The following IFT80 variants were observed in gnomAD, a reference collection of about 807,000 sequenced individuals.
IFT80 encodes intraflagellar transport 80.
Under a neutral mutation model 107.9 loss-of-function variants are expected in IFT80, and 79 were observed. The ratio of observed to expected loss-of-function variants is 0.73; its 90% CI spans 0.61 to 0.88. The LOEUF is 0.88. Among genes scored for constraint, IFT80 ranks in the 40% least tolerant of loss-of-function variants. The pLI, the probability that IFT80 is intolerant of heterozygous loss-of-function variation, is 0.00. For synonymous variants in IFT80, 299 were observed against 300.9 expected, an observed-to-expected ratio of 0.99 and a Z score of 0.07; for missense variants, 797 against 914.2, an observed-to-expected ratio of 0.87 and a Z score of 1.65.
intron 8 of IFT80, among the ~76,000 whole-genome samples, chr3:160,349,243 T>C (rs1383825745): frequency 6.6e-6 from 1 of 151,598 alleles, no homozygotes; most frequent in African/African-American, 2.4e-5. Flanking sequence ...AGGTCAGGAG[T>C]TCGAGACCAG....
intron 16 of IFT80, 81 bp downstream of exon 16, chr3:160,279,112 G>T: frequency 8.8e-7 from 1 of 1,134,914 alleles, no homozygotes; most frequent in Non-Finnish European, 1.3e-6. Context: ...CAGCCTTTAA[G>T]CCTATTATCA....
At chr3:160,329,470 A>G (rs753345517) in intron 8 of IFT80, among the ~76,000 whole-genome samples, 9 of 152,136 alleles carry the variant, frequency 5.9e-5, no homozygotes, top group Non-Finnish European at 1.3e-4. Flanking sequence ...ATCGACACAG[A>G]GAACACAGTA....
At chr3:160,351,714 T>A (rs1720720895) in intron 8 of IFT80, among the ~76,000 whole-genome samples, 1 of 140,884 alleles carries the variant, frequency 7.1e-6, no homozygotes, top group Admixed American at 6.9e-5. Context: ...AAATATTAAG[T>A]AACATAAAAA....
chr3:160,354,733 A>G (rs535749918), intron 8 of IFT80, among the ~76,000 whole-genome samples: 1 of 152,312 alleles, frequency 6.6e-6, no homozygotes, highest in South Asian at 2.1e-4. Context: ...AAAGTATTCC[A>G]TGAAATGAGA....
chr3:160,338,857 T>G (rs1386392252), intron 8 of IFT80, among the ~76,000 whole-genome samples: 1 of 152,122 alleles, frequency 6.6e-6, no homozygotes, highest in East Asian at 1.9e-4. Context: ...TACATTCTGC[T>G]CCCTAGAACA....
At chr3:160,307,031 T>C (rs1311143501) in intron 10 of IFT80, among the ~76,000 whole-genome samples, 3 of 152,144 alleles carry the variant, frequency 2.0e-5, no homozygotes, top group Admixed American at 6.5e-5. Flanking sequence ...CTCTTGAAAG[T>C]ATTATAGTGG....
At chr3:160,273,685 T>C (rs542679514) in intron 18 of IFT80, among the ~76,000 whole-genome samples, 14 of 152,284 alleles carry the variant, frequency 9.2e-5, no homozygotes, top group Non-Finnish European at 1.6e-4. Context: ...AAGTAGGTAG[T>C]TGGAGAATTG....
At chr3:160,325,253 C>G (rs1243992671) in intron 8 of IFT80, among the ~76,000 whole-genome samples, 1 of 152,080 alleles carries the variant, frequency 6.6e-6, no homozygotes, top group African/African-American at 2.4e-5. Flanking sequence ...CTACCAATGA[C>G]TTTCTTCACA....
chr3:160,357,549 T>A lies in IFT80; in HGVS notation c.579A>T (p.Lys193Asn). The A allele has an allele frequency of 1.3e-6, 2 of 1,599,358 alleles. No individual in the cohort carries two copies. The highest frequency in any genetic ancestry group is 1.7e-6 in the Non-Finnish European group (2 of 1,166,950). ...QWKAHDGIIL[K>N]VDWNSVNDLI... ...GATCATTGACCGAGTTCCAATCTACTTTTAAAATAATGCCATCATGAGCTT... is the reference window on the plus strand; with the variant it reads ...GATCATTGACCGAGTTCCAATCTACATTTAAAATAATGCCATCATGAGCTT... Residue 193 changes from lysine (K) to asparagine (N), a missense_variant, in exon 7 of 20, where the codon AAA becomes AAT. By Grantham distance (94) the Lys-to-Asn change is moderately conservative. Coordinates refer to ENST00000326448, the MANE Select transcript of IFT80 (RefSeq NM_020800.3).
chr3:160,364,975 CAT>C (rs1721763909), intron 6 of IFT80, among the ~76,000 whole-genome samples: 1 of 149,732 alleles, frequency 6.7e-6, no homozygotes, highest in Non-Finnish European at 1.5e-5. Context: ...ACATTGTGCA[CAT>C]GTACCCTAGA....
intron 8 of IFT80, among the ~76,000 whole-genome samples, chr3:160,323,754 A>T (rs1425907647): frequency 6.6e-6 from 1 of 152,166 alleles, no homozygotes; most frequent in Non-Finnish European, 1.5e-5. Flanking sequence ...AAAAGCTAGC[A>T]GAAGGCAAGA....
chr3:160,393,828 T>C (rs1713562450), intron 1 of IFT80, among the ~76,000 whole-genome samples: 1 of 152,126 alleles, frequency 6.6e-6, no homozygotes, highest in Non-Finnish European at 1.5e-5. Flanking sequence ...TCTCTAGTAG[T>C]GAACAAGAAT....
At chr3:160,374,694 A>T (rs897901403) in intron 5 of IFT80, among the ~76,000 whole-genome samples, 4 of 152,212 alleles carry the variant, frequency 2.6e-5, no homozygotes, top group African/African-American at 9.6e-5. Flanking sequence ...ATGTCAAATA[A>T]TGAGTCTTAA....
At chr3:160,321,940 G>T (rs1189470698) in intron 8 of IFT80, among the ~76,000 whole-genome samples, 1 of 151,750 alleles carries the variant, frequency 6.6e-6, no homozygotes, top group East Asian at 1.9e-4. Context: ...TAGGCCAGCA[G>T]TTGCCCTGAG....
At chr3:160,371,153 T>C (rs1369161460) in intron 5 of IFT80, among the ~76,000 whole-genome samples, 1 of 152,188 alleles carries the variant, frequency 6.6e-6, no homozygotes, top group African/African-American at 2.4e-5. Context: ...CCCAAGGAGT[T>C]AGCTCCCACT....
intron 8 of IFT80, among the ~76,000 whole-genome samples, chr3:160,324,079 G>C (rs1718486864): frequency 6.6e-6 from 1 of 152,116 alleles, no homozygotes; most frequent in Non-Finnish European, 1.5e-5. Context: ...ACTAAACCAG[G>C]AAGAAGTTGA....
intron 2 of IFT80, among the ~76,000 whole-genome samples, 173 bp from the exon 3 acceptor site, chr3:160,381,897 CTA>C (rs1253939469): frequency 1.3e-5 from 2 of 151,878 alleles, no homozygotes; most frequent in Non-Finnish European, 2.9e-5. Context: ...AAATAAGCAT[CTA>C]TTAAAAGAAT....
intron 18 of IFT80, among the ~76,000 whole-genome samples, chr3:160,270,859 A>G (rs528763356): frequency 6.6e-6 from 1 of 152,290 alleles, no homozygotes; most frequent in South Asian, 2.1e-4. Flanking sequence ...ATGATTGTAC[A>G]TGATCAGGGA....
At chr3:160,347,933 G>T (rs986262857) in intron 8 of IFT80, among the ~76,000 whole-genome samples, 5 of 151,928 alleles carry the variant, frequency 3.3e-5, no homozygotes, top group African/African-American at 1.2e-4. Flanking sequence ...CTGAGTCAAG[G>T]GATATGTGCA....
Sources: gnomAD v4.1 joint callset for allele counts (sites outside exome capture counted in the v4.1 genomes callset) on GRCh38, gnomAD v4.1.1 for gene constraint, MANE v1.5 for transcripts, NCBI Gene and HGNC (gene_info 2026-07-23, HGNC 2026-07-21) for gene names.